Variants in GRID2 observed in about 807,000 individuals in gnomAD.
The protein encoded by GRID2 is glutamate receptor ionotropic, delta-2.
GRID2 carries 33 observed loss-of-function variants against 114.8 expected under a neutral mutation model. The observed-to-expected ratio is 0.29, with a 90% CI of 0.22 to 0.38. The LOEUF (loss-of-function observed/expected upper bound fraction) is 0.38. GRID2 is among the 10% of genes least tolerant of loss of function. The pLI is 1.00. For missense variants in GRID2, 1,184 were observed against 1,257.7 expected (o/e 0.94, Z 0.89); for synonymous variants, 505 against 449.9 (o/e 1.12, Z -1.55).
chr4:92,808,493 A>G (rs143823120), intron 2 of GRID2, among the ~76,000 whole-genome samples: 46 of 152,216 alleles, frequency 3.0e-4, no homozygotes, highest in Non-Finnish European at 5.0e-4. Flanking sequence ...AAACATGTTT[A>G]GGGGATGTAA....
At chr4:92,628,873 T>C (rs1730653679) in intron 2 of GRID2, among the ~76,000 whole-genome samples, 1 of 152,094 alleles carries the variant, frequency 6.6e-6, no homozygotes, top group Non-Finnish European at 1.5e-5. Flanking sequence ...TCACTTGAAA[T>C]CTTTTATTTT....
chr4:92,624,504 T>C (rs912244856), intron 2 of GRID2, among the ~76,000 whole-genome samples: 1 of 151,840 alleles, frequency 6.6e-6, no homozygotes, highest in Non-Finnish European at 1.5e-5. Context: ...CAGCCAAATA[T>C]CTCTTGATGG....
At chr4:92,404,277 T>C (rs1376977626) in intron 1 of GRID2, among the ~76,000 whole-genome samples, 3 of 152,012 alleles carry the variant, frequency 2.0e-5, no homozygotes, top group Non-Finnish European at 4.4e-5. Flanking sequence ...AGAATGAAGA[T>C]AGAGTTAAGA....
At chr4:93,498,102 C>T (rs1383250380) in intron 12 of GRID2, among the ~76,000 whole-genome samples, 1 of 151,754 alleles carries the variant, frequency 6.6e-6, no homozygotes, top group Non-Finnish European at 1.5e-5. Context: ...GTATCTCGAT[C>T]CATTTGTGCT....
At chr4:92,849,549 C>T (rs1743601296) in intron 2 of GRID2, among the ~76,000 whole-genome samples, 1 of 151,868 alleles carries the variant, frequency 6.6e-6, no homozygotes, top group African/African-American at 2.4e-5. Context: ...AACAGTTGTG[C>T]TTTTCTTTGA....
At chr4:93,148,396 A>G (rs1736443783) in intron 4 of GRID2, among the ~76,000 whole-genome samples, 1 of 152,198 alleles carries the variant, frequency 6.6e-6, no homozygotes, top group Non-Finnish European at 1.5e-5. Context: ...TACATAGAAG[A>G]CAAAAATAAT....
intron 14 of GRID2, among the ~76,000 whole-genome samples, chr4:93,735,948 T>C (rs1043687909): frequency 6.6e-6 from 1 of 151,952 alleles, no homozygotes; most frequent in Non-Finnish European, 1.5e-5. Flanking sequence ...TTCAGTGTAC[T>C]ATGGAGAGAA....
intron 14 of GRID2, among the ~76,000 whole-genome samples, chr4:93,721,504 G>T (rs1729373450): frequency 6.6e-6 from 1 of 152,094 alleles, no homozygotes; most frequent in Admixed American, 6.6e-5. Flanking sequence ...AAGTGAAAAA[G>T]CATTAATTCA....
At chr4:92,540,938 A>G (rs1310609370) in intron 1 of GRID2, among the ~76,000 whole-genome samples, 1 of 152,236 alleles carries the variant, frequency 6.6e-6, no homozygotes, top group African/African-American at 2.4e-5. Flanking sequence ...TGTGGCATAT[A>G]TACACCATGG....
chr4:93,024,364 G>T (rs935391388), intron 2 of GRID2, among the ~76,000 whole-genome samples: 2 of 151,460 alleles, frequency 1.3e-5, no homozygotes, highest in African/African-American at 4.8e-5. Flanking sequence ...AGCTTATGGG[G>T]CATAAATTAC....
intron 1 of GRID2, among the ~76,000 whole-genome samples, chr4:92,515,458 T>C (rs1724454854): frequency 6.6e-6 from 1 of 151,938 alleles, no homozygotes; most frequent in African/African-American, 2.4e-5. Context: ...ATCTATTTTT[T>C]CACTTGTTAA....
intron 2 of GRID2, among the ~76,000 whole-genome samples, chr4:92,884,370 A>G (rs1746223788): frequency 6.6e-6 from 1 of 152,160 alleles, no homozygotes; most frequent in African/African-American, 2.4e-5. Flanking sequence ...TATCATCAAC[A>G]AGAATGTTTG....
At chr4:92,341,314 T>A (rs1727476910) in intron 1 of GRID2, among the ~76,000 whole-genome samples, 2 of 152,180 alleles carry the variant, frequency 1.3e-5, no homozygotes, top group Non-Finnish European at 2.9e-5. Flanking sequence ...TATGGTCCAA[T>A]GTGTCCTACC....
chr4:92,636,420 G>A (rs1432815962), intron 2 of GRID2, among the ~76,000 whole-genome samples: 1 of 152,016 alleles, frequency 6.6e-6, no homozygotes, highest in East Asian at 1.9e-4. Context: ...GACCAACTGA[G>A]TACATATGCT....
chr4:92,867,916 T>C (rs1321642912), intron 2 of GRID2, among the ~76,000 whole-genome samples: 2 of 152,172 alleles, frequency 1.3e-5, no homozygotes, highest in Non-Finnish European at 2.9e-5. Flanking sequence ...GATTCCCAAA[T>C]CCAGGTTACA....
intron 2 of GRID2, among the ~76,000 whole-genome samples, chr4:92,716,729 T>C (rs1186432646): frequency 6.6e-6 from 1 of 152,194 alleles, no homozygotes; most frequent in Admixed American, 6.5e-5. Context: ...GAGGAAATCC[T>C]ATTATACGCT....
At chr4:92,929,232 T>C (rs1199974529) in intron 2 of GRID2, among the ~76,000 whole-genome samples, 1 of 151,400 alleles carries the variant, frequency 6.6e-6, no homozygotes, top group Non-Finnish European at 1.5e-5. Context: ...TATTGTTGCA[T>C]GAATAAAACT....
intron 2 of GRID2, among the ~76,000 whole-genome samples, chr4:93,021,677 T>G: frequency 7.1e-6 from 1 of 140,654 alleles, no homozygotes; most frequent in East Asian, 2.2e-4. Flanking sequence ...ACTATAAATA[T>G]AATTATTTAT....
intron 3 of GRID2, among the ~76,000 whole-genome samples, chr4:93,104,487 G>A (rs1732008905): frequency 6.6e-6 from 1 of 151,304 alleles, no homozygotes; most frequent in Non-Finnish European, 1.5e-5. Flanking sequence ...TCCCCAGAGT[G>A]TGATATTTCC....
Sources: gnomAD v4.1 joint callset for allele counts (sites outside exome capture counted in the v4.1 genomes callset) on GRCh38, gnomAD v4.1.1 for gene constraint, MANE v1.5 for transcripts, NCBI Gene and HGNC (gene_info 2026-07-23, HGNC 2026-07-21) for gene names.